Variants in SHC3 observed in about 807,000 individuals in gnomAD.
SHC3 encodes SHC-transforming protein 3.
In SHC3, 15 loss-of-function variants were observed where a neutral mutation model predicts 60.4. The ratio of observed to expected loss-of-function variants is 0.25; its 90% CI spans 0.17 to 0.38. SHC3 has a LOEUF of 0.38. Ranked by LOEUF, SHC3 falls within the 10% of genes least tolerant of loss-of-function variation. The probability of loss-of-function intolerance (pLI) is 1.00; values close to 1 mark genes in which losing one functional copy is unlikely to be tolerated. For missense variants in SHC3, 677 were observed against 786.1 expected, an observed-to-expected ratio of 0.86 and a Z score of 1.66; for synonymous variants, 294 against 325.9, an observed-to-expected ratio of 0.90 and a Z score of 1.05.
Position 89,057,503 on chromosome 9 carries a change from A to G in SHC3, c.836-5340T>C, listed in dbSNP as rs114996261. On this transcript the variant is annotated intron_variant, in intron 6 of 11. Coordinates refer to ENST00000375835, the MANE Select transcript of SHC3 (RefSeq NM_016848.6). The stretch of plus-strand genomic sequence containing the variant: ...TCTAAAAATGCCAATTGTTGAATAA[A>G]AGGAGACTTCATATACTACCCTTGG... Among the ~76,000 whole-genome samples the G allele has an allele frequency of 5.1e-3, 774 of 152,152 alleles. 4 individuals carry two copies. Among genetic ancestry groups the G allele is most frequent in the African/African-American group, 0.018 (735 of 41,516 alleles).
intron 11 of SHC3, among the ~76,000 whole-genome samples, chr9:89,032,519 C>T (rs1824506756): frequency 6.6e-6 from 1 of 152,124 alleles, no homozygotes; most frequent in Admixed American, 6.5e-5. Flanking sequence ...GACATAAGAG[C>T]GTTGACTAAA....
At chr9:89,171,927 G>T (rs1409077202) in intron 1 of SHC3, among the ~76,000 whole-genome samples, 1 of 152,222 alleles carries the variant, frequency 6.6e-6, no homozygotes, top group African/African-American at 2.4e-5. Flanking sequence ...TAGAATCCAT[G>T]GATCTAACTA....
chr9:89,129,858 A>G (rs977693993), intron 1 of SHC3, among the ~76,000 whole-genome samples: 7 of 152,232 alleles, frequency 4.6e-5, no homozygotes, highest in Non-Finnish European at 8.8e-5. Context: ...ACTAACGAGA[A>G]AAATAACCAG....
At chr9:89,157,908 G>T (rs1826649027) in intron 1 of SHC3, among the ~76,000 whole-genome samples, 1 of 152,000 alleles carries the variant, frequency 6.6e-6, no homozygotes, top group African/African-American at 2.4e-5. Flanking sequence ...GTATAGGTGT[G>T]AGCCACCATG....
chr9:89,051,604 C>T (rs949235765), intron 7 of SHC3, among the ~76,000 whole-genome samples: 6 of 152,208 alleles, frequency 3.9e-5, no homozygotes, highest in African/African-American at 1.4e-4. Flanking sequence ...CGAAACTATG[C>T]CGGTAGCCAG....
chr9:89,085,514 G>A (rs115627665), intron 2 of SHC3, among the ~76,000 whole-genome samples: 106 of 152,304 alleles, frequency 7.0e-4, no homozygotes, highest in African/African-American at 2.1e-3. Flanking sequence ...GTCTTTTTCC[G>A]TAGGATTCTG....
chr9:89,171,334 C>A (rs1330163361), intron 1 of SHC3, among the ~76,000 whole-genome samples: 1 of 151,784 alleles, frequency 6.6e-6, no homozygotes, highest in Non-Finnish European at 1.5e-5. Flanking sequence ...CAGTAGATTG[C>A]CAAACAATTA....
chr9:89,020,133 T>C (rs1050965419), intron 11 of SHC3, among the ~76,000 whole-genome samples: 4 of 152,178 alleles, frequency 2.6e-5, no homozygotes, highest in African/African-American at 9.7e-5. Flanking sequence ...AATATGCTTC[T>C]TCCCTAGGCT....
chr9:89,037,641 T>A, intron 11 of SHC3: 3 of 664,306 alleles, frequency 4.5e-6, no homozygotes, highest in Non-Finnish European at 8.2e-6. Flanking sequence ...GCATTCAAGA[T>A]AAATATTAAA....
Position 89,007,235 on chromosome 9 carries a change from C to G in SHC3, c.*6212G>C, listed in dbSNP as rs1300681211. On this transcript the variant is annotated 3_prime_UTR_variant, in exon 12 of 12. Coordinates refer to ENST00000375835, the MANE Select transcript of SHC3 (RefSeq NM_016848.6). ...GTGACAACTCCAGGCTGTCCACCCC[C>G]ATCCTGAGCCTTCCACACTCTTCTC... 6.6e-6 allele frequency: 1 copy of G among 152,326 alleles called. No homozygotes were observed. The highest frequency in any genetic ancestry group is 1.5e-5 in the Non-Finnish European group (1 of 68,134). 9.4% of individuals were successfully genotyped at this position (152,326 alleles called of 1,614,324 possible). A position where few individuals can be genotyped will look rare whatever the true frequency, so the allele number is the denominator to read the frequency against.
At chr9:89,085,228 T>C (rs1205028010) in intron 2 of SHC3, among the ~76,000 whole-genome samples, 1 of 152,208 alleles carries the variant, frequency 6.6e-6, no homozygotes, top group African/African-American at 2.4e-5. Context: ...GTGCATCCCA[T>C]GAAGCTCAGG....
rs11137497 is a variant in SHC3, at chr9:89,055,713, T to C, written c.836-3550A>G. 1.2e-3 allele frequency among the ~76,000 whole-genome samples: 182 copies of C among 152,302 alleles called. No individual in the cohort carries two copies. In the East Asian group the frequency reaches 0.026, roughly 22 times the overall value. On this transcript the variant is annotated intron_variant, in intron 6 of 11. Transcript: ENST00000375835. The stretch of plus-strand genomic sequence containing the variant: ...TCCCAAGCAGGAGGGGGCTGGCAGA[T>C]GCCATCTTTTGCAAGTTTGGAAGGA...
chr9:89,074,512 G>A (rs750845368), intron 4 of SHC3, among the ~76,000 whole-genome samples: 141 of 152,042 alleles, frequency 9.3e-4, no homozygotes, highest in Non-Finnish European at 3.5e-4. Flanking sequence ...CTAAAAGATA[G>A]ACATTGTGCA....
In SHC3 at chr9:89,006,035, C is replaced by G. The variant is rs897557257; in HGVS notation, c.*7412G>C. On this transcript the variant is annotated 3_prime_UTR_variant, in exon 12 of 12. Transcript: ENST00000375835. Reference sequence around the variant, plus strand: ...TCTAAGTCAGATATCCAAAAGTTAGCTCCATAATCAGAAATGCGCACACCA... The same window carrying G: ...TCTAAGTCAGATATCCAAAAGTTAGGTCCATAATCAGAAATGCGCACACCA... 2.0e-5 allele frequency: 3 copies of G among 152,246 alleles called. No individual in the cohort carries two copies. Among genetic ancestry groups the G allele is most frequent in the Admixed American group, 2.0e-4 (3 of 15,288 alleles). The allele number at this position is 152,246 out of a possible 1,614,324, so 9.4% of individuals were successfully genotyped here.
intron 2 of SHC3, among the ~76,000 whole-genome samples, chr9:89,112,122 C>T (rs913403081): frequency 6.6e-6 from 1 of 152,202 alleles, no homozygotes; most frequent in Non-Finnish European, 1.5e-5. Flanking sequence ...TGACCTACTC[C>T]CATGGCTGTT....
chr9:89,015,633 G>T (rs1331180), intron 11 of SHC3, among the ~76,000 whole-genome samples: 39,686 of 152,240 alleles, frequency 0.26, 6,500 homozygotes, highest in East Asian at 0.79. Context: ...TCTGGCTTCT[G>T]CCCAGAGAAC....
At chr9:89,145,888 T>A (rs1168515250) in intron 1 of SHC3, among the ~76,000 whole-genome samples, 1 of 152,222 alleles carries the variant, frequency 6.6e-6, no homozygotes, top group African/African-American at 2.4e-5. Flanking sequence ...AAGTTTTATA[T>A]GTATACTTTA....
chr9:89,046,978 C>T lies in SHC3; in HGVS notation c.979G>A (p.Glu327Lys), dbSNP rs1564098552. 6.3e-7 allele frequency: 1 copy of T among 1,593,040 alleles called. No individual in the cohort carries two copies. Among genetic ancestry groups the T allele is most frequent in the Non-Finnish European group, 8.5e-7 (1 of 1,171,424 alleles). The change falls in exon 8 of 12, where the codon GAG (glutamate) becomes AAG (lysine). Residue 327 changes from glutamate (E) to lysine (K), a missense_variant. Glu to Lys is a moderately conservative substitution (Grantham distance 56). Transcript: ENST00000375835. ...TCTCCCTCCTCTTCCGTCCATGGCT[C>T]ATCCAGACTCTGCATTCTGTTAAAG... The part of the protein sequence containing the change: ...ALHDRMQSLD[E>K]PWTEEEGDGS...
intron 2 of SHC3, among the ~76,000 whole-genome samples, chr9:89,105,721 C>T (rs2118093592): frequency 6.6e-6 from 1 of 152,262 alleles, no homozygotes; most frequent in East Asian, 1.9e-4. Context: ...GTGTCATCCT[C>T]ATCATCATCA....
Sources: gnomAD v4.1 joint callset for allele counts (sites outside exome capture counted in the v4.1 genomes callset) on GRCh38, gnomAD v4.1.1 for gene constraint, MANE v1.5 for transcripts, NCBI Gene and HGNC (gene_info 2026-07-23, HGNC 2026-07-21) for gene names.